RASSF8: variants seen among roughly 807,000 people sequenced by gnomAD.
RASSF8 encodes the protein Ras association domain family member 8, also known as ras association domain-containing protein 8.
Under a neutral mutation model 48.5 loss-of-function variants are expected in RASSF8, and 22 were observed. The observed-to-expected ratio is 0.45, with a 90% CI of 0.32 to 0.65. The LOEUF (loss-of-function observed/expected upper bound fraction) is 0.65, where lower values mean the gene tolerates loss of function less well. Among genes scored for constraint, RASSF8 ranks in the 30% least tolerant of loss-of-function variants. The probability of loss-of-function intolerance (pLI) is 0.03; values close to 1 mark genes in which losing one functional copy is unlikely to be tolerated. For missense variants in RASSF8, 418 were observed against 489.2 expected (o/e 0.85, Z 1.37); for synonymous variants, 127 against 171.5 (o/e 0.74, Z 2.03).
intron 2 of RASSF8, chr12:26,020,498 G>T (rs943143258): frequency 2.6e-5 from 4 of 152,086 alleles, no homozygotes; most frequent in African/African-American, 9.7e-5. Context: ...AACCATAAGA[G>T]AAAACACTTT....
chr12:26,013,272 G>A (rs1036578843), intron 2 of RASSF8, among the ~76,000 whole-genome samples: 1 of 152,120 alleles, frequency 6.6e-6, no homozygotes, highest in African/African-American at 2.4e-5. Flanking sequence ...AAGAAAATGT[G>A]GCTTCTCTAG....
At chr12:25,971,015 C>A (rs945805686) in intron 1 of RASSF8, among the ~76,000 whole-genome samples, 3 of 152,144 alleles carry the variant, frequency 2.0e-5, no homozygotes, top group Admixed American at 1.3e-4. Context: ...AGTTCTTATT[C>A]CTTTGCTGTA....
intron 1 of RASSF8, among the ~76,000 whole-genome samples, chr12:25,972,643 G>T (rs918112382): frequency 6.6e-6 from 1 of 152,084 alleles, no homozygotes; most frequent in Non-Finnish European, 1.5e-5. Flanking sequence ...GTACACAGAA[G>T]GTGATAAGAA....
At chr12:25,962,464 C>G (rs1941259603) in intron 1 of RASSF8, among the ~76,000 whole-genome samples, 1 of 152,148 alleles carries the variant, frequency 6.6e-6, no homozygotes, top group South Asian at 2.1e-4. Flanking sequence ...CACTTAGGGT[C>G]CTTTTCTTGC....
chr12:25,967,306 C>T (rs1238396539), intron 1 of RASSF8, among the ~76,000 whole-genome samples: 1 of 152,088 alleles, frequency 6.6e-6, no homozygotes, highest in African/African-American at 2.4e-5. Flanking sequence ...GTTATTTGCT[C>T]TCTGTTATAA....
At chr12:25,982,758 A>G (rs1406432841) in intron 1 of RASSF8, among the ~76,000 whole-genome samples, 1 of 152,186 alleles carries the variant, frequency 6.6e-6, no homozygotes, top group African/African-American at 2.4e-5. Flanking sequence ...TGGGACCCCT[A>G]AAGACTACTT....
At chr12:25,998,959 T>A (rs988283081) in intron 2 of RASSF8, among the ~76,000 whole-genome samples, 5 of 152,146 alleles carry the variant, frequency 3.3e-5, no homozygotes, top group African/African-American at 1.2e-4. Flanking sequence ...TTATGGGAAG[T>A]ATCTATAATT....
intron 1 of RASSF8, among the ~76,000 whole-genome samples, chr12:25,975,941 A>T (rs1352915599): frequency 6.6e-6 from 1 of 152,168 alleles, no homozygotes; most frequent in African/African-American, 2.4e-5. Flanking sequence ...GTCTAGACTC[A>T]GTCAGCTTGG....
At chr12:26,067,047 A>G (rs1943890828) in intron 4 of RASSF8, among the ~76,000 whole-genome samples, 1 of 152,218 alleles carries the variant, frequency 6.6e-6, no homozygotes, top group African/African-American at 2.4e-5. Flanking sequence ...ATGAAAATTG[A>G]AACAGCTTAC....
chr12:25,970,130 T>A (rs1021858085), intron 1 of RASSF8, among the ~76,000 whole-genome samples: 2 of 152,020 alleles, frequency 1.3e-5, no homozygotes, highest in African/African-American at 4.8e-5. Context: ...GTTGCAGAAT[T>A]TTTCATCAAG....
At chr12:26,043,755 A>G (rs2137172126) in intron 2 of RASSF8, among the ~76,000 whole-genome samples, 1 of 152,314 alleles carries the variant, frequency 6.6e-6, no homozygotes, top group East Asian at 1.9e-4. Context: ...GAAAGAATGG[A>G]CGATTGCTAT....
intron 2 of RASSF8, among the ~76,000 whole-genome samples, chr12:26,024,207 C>T (rs1262547464): frequency 1.3e-5 from 2 of 152,132 alleles, no homozygotes; most frequent in Admixed American, 6.5e-5. Context: ...TGCTCTGTTG[C>T]CCAGGCTGGT....
At chr12:25,995,334 G>A (rs1054042411) in intron 2 of RASSF8, among the ~76,000 whole-genome samples, 8 of 152,288 alleles carry the variant, frequency 5.3e-5, no homozygotes, top group Middle Eastern at 3.4e-3. Flanking sequence ...TACCACTGCA[G>A]TATAATTCCT....
chr12:26,054,932 G>GA (rs968823551), intron 2 of RASSF8, among the ~76,000 whole-genome samples: 7 of 151,222 alleles, frequency 4.6e-5, no homozygotes, highest in South Asian at 2.1e-4. Flanking sequence ...AATCCAAAAA[G>GA]AAAAAAAACA....
chr12:26,015,686 A>G (rs1942632209), intron 2 of RASSF8, among the ~76,000 whole-genome samples: 2 of 152,240 alleles, frequency 1.3e-5, no homozygotes, highest in Non-Finnish European at 2.9e-5. Flanking sequence ...TGTTGTTAGA[A>G]TAAGAAAACA....
At chr12:25,960,863 G>A (rs560109036) in intron 1 of RASSF8, among the ~76,000 whole-genome samples, 1 of 152,342 alleles carries the variant, frequency 6.6e-6, no homozygotes, top group African/African-American at 2.4e-5. Context: ...CTTTGCAGAA[G>A]TGTCAGTGTG....
intron 2 of RASSF8, among the ~76,000 whole-genome samples, chr12:26,023,011 G>T (rs1942824487): frequency 6.6e-6 from 1 of 152,172 alleles, no homozygotes; most frequent in Admixed American, 6.5e-5. Context: ...CTCCCAAAGT[G>T]CTGGGATTAC....
chr12:26,055,100 A>G lies in RASSF8; in HGVS notation c.-108-136A>G. 3 of 469,948 alleles carry G rather than the reference A, an allele frequency of 6.4e-6. No homozygotes were observed. The South Asian group carries it at 8.6e-5, about 13-fold the overall frequency. The allele number at this position is 469,948 out of a possible 1,614,324, so 29.1% of individuals were successfully genotyped here. A position where few individuals can be genotyped will look rare whatever the true frequency, so the allele number is the denominator to read the frequency against. ...ACTGTAGTTGCATTTGTGTTGCTTA[A>G]TTCATTTCTGTAAAATAAGCCTGTG... On this transcript the variant is annotated intron_variant, in intron 2 of 5. Coordinates refer to ENST00000689635, the MANE Select transcript of RASSF8 (RefSeq NM_001394098.1).
chr12:26,041,670 TAA>T (rs1403756034), intron 2 of RASSF8, among the ~76,000 whole-genome samples: 2 of 151,788 alleles, frequency 1.3e-5, no homozygotes, highest in South Asian at 2.1e-4. Context: ...TCTACATACA[TAA>T]ACATATATAT....
Sources: gnomAD v4.1 joint callset for allele counts (sites outside exome capture counted in the v4.1 genomes callset) on GRCh38, gnomAD v4.1.1 for gene constraint, MANE v1.5 for transcripts, NCBI Gene and HGNC (gene_info 2026-07-23, HGNC 2026-07-21) for gene names.